Variants in CDH13 observed in about 807,000 individuals in gnomAD.
CDH13 encodes cadherin 13.
In CDH13, 24 loss-of-function variants were observed where a neutral mutation model predicts 63.8. The observed-to-expected ratio is 0.38, with a 90% CI of 0.27 to 0.53. The LOEUF is 0.53. CDH13 is among the 20% of genes least tolerant of loss of function. The probability of loss-of-function intolerance (pLI) is 0.85; values close to 1 mark genes in which losing one functional copy is unlikely to be tolerated. For missense variants in CDH13, 1,049 were observed against 903.1 expected (o/e 1.16, Z -2.07); for synonymous variants, 503 against 355.3 (o/e 1.42, Z -4.67).
chr16:83,202,097 A>C (rs60673467), intron 4 of CDH13, among the ~76,000 whole-genome samples: 4,959 of 152,230 alleles, frequency 0.033, 262 homozygotes, highest in African/African-American at 0.11. Flanking sequence ...GTGTCCCCTG[A>C]AAATGGCGGA....
At chr16:82,849,998 A>G (rs1173243446) in intron 1 of CDH13, among the ~76,000 whole-genome samples, 1 of 152,248 alleles carries the variant, frequency 6.6e-6, no homozygotes, top group Non-Finnish European at 1.5e-5. Context: ...ATGGAGGTAT[A>G]TAAGGAGATT....
At chr16:82,800,582 T>G (rs1307459133) in intron 1 of CDH13, among the ~76,000 whole-genome samples, 1 of 152,192 alleles carries the variant, frequency 6.6e-6, no homozygotes, top group African/African-American at 2.4e-5. Context: ...CCATAAAAGT[T>G]AAGAACCATT....
At chr16:83,341,214 CT>C (rs1333508369) in intron 5 of CDH13, among the ~76,000 whole-genome samples, 1 of 152,162 alleles carries the variant, frequency 6.6e-6, no homozygotes, top group Non-Finnish European at 1.5e-5. Flanking sequence ...TTATTCCAGT[CT>C]TTTCAAACTA....
intron 8 of CDH13, among the ~76,000 whole-genome samples, chr16:83,636,206 C>G (rs1911251928): frequency 6.6e-6 from 1 of 152,144 alleles, no homozygotes. Context: ...ACTGTACTGT[C>G]TTATTACCGG....
chr16:82,799,170 G>A (rs969416735), intron 1 of CDH13, among the ~76,000 whole-genome samples: 19 of 148,050 alleles, frequency 1.3e-4, no homozygotes, highest in African/African-American at 2.7e-4. Flanking sequence ...CGAGCTCTCC[G>A]CCATGATGTT....
chr16:83,528,944 C>T (rs771709601), intron 7 of CDH13, among the ~76,000 whole-genome samples: 1 of 152,122 alleles, frequency 6.6e-6, no homozygotes, highest in African/African-American at 2.4e-5. Flanking sequence ...TGGTCCTGCT[C>T]AGTTACTAAT....
At chr16:83,075,113 C>A (rs1415553794) in intron 3 of CDH13, among the ~76,000 whole-genome samples, 1 of 152,170 alleles carries the variant, frequency 6.6e-6, no homozygotes, top group Non-Finnish European at 1.5e-5. Flanking sequence ...TTCTCACTGT[C>A]TCTTAGAGAG....
intron 1 of CDH13, among the ~76,000 whole-genome samples, chr16:82,769,480 G>A (rs2035180036): frequency 6.6e-6 from 1 of 152,202 alleles, no homozygotes; most frequent in Admixed American, 6.5e-5. Flanking sequence ...AATAAAGGCT[G>A]ATACCTCTGT....
chr16:82,811,037 T>C (rs1179341264), intron 1 of CDH13, among the ~76,000 whole-genome samples: 1 of 152,158 alleles, frequency 6.6e-6, no homozygotes, highest in East Asian at 1.9e-4. Context: ...TAGATTAAAA[T>C]ATTTTAAATT....
At chr16:83,159,236 T>G (rs1178174170) in intron 4 of CDH13, among the ~76,000 whole-genome samples, 2 of 152,178 alleles carry the variant, frequency 1.3e-5, no homozygotes, top group African/African-American at 4.8e-5. Flanking sequence ...ATTCTATATC[T>G]CTGAGTAACA....
intron 6 of CDH13, among the ~76,000 whole-genome samples, chr16:83,482,247 C>T (rs1357364961): frequency 3.3e-5 from 5 of 152,144 alleles, no homozygotes; most frequent in South Asian, 2.1e-4. Flanking sequence ...GAGGACCTAC[C>T]GCGTGTCAGA....
intron 5 of CDH13, among the ~76,000 whole-genome samples, chr16:83,332,648 C>T (rs751190997): frequency 2.6e-5 from 4 of 152,112 alleles, no homozygotes; most frequent in African/African-American, 4.8e-5. Context: ...CTTAATAGAT[C>T]TGGCATAATT....
At chr16:83,671,903 A>G (rs1474115040) in intron 9 of CDH13, among the ~76,000 whole-genome samples, 1 of 152,212 alleles carries the variant, frequency 6.6e-6, no homozygotes, top group Non-Finnish European at 1.5e-5. Flanking sequence ...TGGCCTTGGT[A>G]TTCTGGGAGA....
Position 83,115,150 on chromosome 16 carries a change from C to G in CDH13, c.367-10235C>G, listed in dbSNP as rs147224986. ...GAAAAGGTAGTCTCCAGCAGCAACC[C>G]TGGGGAGGTTTATAGCAAAGTGTTT... On this transcript the variant is annotated intron_variant, in intron 3 of 13. Coordinates refer to ENST00000567109, the MANE Select transcript of CDH13 (RefSeq NM_001257.5). Among the ~76,000 whole-genome samples, 216 of 152,276 alleles carry G rather than the reference C, an allele frequency of 1.4e-3. 2 individuals carry two copies. Among genetic ancestry groups the G allele is most frequent in the African/African-American group, 5.1e-3 (212 of 41,548 alleles).
At chr16:82,912,455 G>A (rs978633701) in intron 2 of CDH13, among the ~76,000 whole-genome samples, 2 of 152,188 alleles carry the variant, frequency 1.3e-5, no homozygotes, top group Non-Finnish European at 2.9e-5. Flanking sequence ...CCTTCCCCCA[G>A]ATGACTGGGG....
intron 8 of CDH13, among the ~76,000 whole-genome samples, chr16:83,618,419 C>CA (rs563377656): frequency 0.022 from 2,212 of 98,842 alleles, 69 homozygotes; most frequent in Admixed American, 0.092. Flanking sequence ...AGAGAGACTC[C>CA]AAAAAAAAAA....
intron 1 of CDH13, among the ~76,000 whole-genome samples, chr16:82,771,038 T>G (rs2035242983): frequency 6.6e-6 from 1 of 152,240 alleles, no homozygotes; most frequent in African/African-American, 2.4e-5. Context: ...TTTTTATGTG[T>G]ATATTTTTAA....
chr16:83,236,687 T>C (rs1400246455), intron 5 of CDH13, among the ~76,000 whole-genome samples: 2 of 151,996 alleles, frequency 1.3e-5, no homozygotes, highest in East Asian at 1.9e-4. Context: ...AAGTAAAATA[T>C]AAGGGAGTCC....
At chr16:83,404,502 C>A (rs1198318065) in intron 6 of CDH13, among the ~76,000 whole-genome samples, 1 of 152,134 alleles carries the variant, frequency 6.6e-6, no homozygotes, top group Non-Finnish European at 1.5e-5. Context: ...TACTTAGAGC[C>A]CACAAGAAGA....
Sources: gnomAD v4.1 joint callset for allele counts (sites outside exome capture counted in the v4.1 genomes callset) on GRCh38, gnomAD v4.1.1 for gene constraint, MANE v1.5 for transcripts, NCBI Gene and HGNC (gene_info 2026-07-23, HGNC 2026-07-21) for gene names.